FDFT1: variants seen among roughly 807,000 people sequenced by gnomAD.
The protein encoded by FDFT1 is squalene synthase.
A neutral mutation model predicts 46.8 loss-of-function variants in FDFT1; 68 were observed. The observed-to-expected ratio is 1.45, with a 90% CI of 1.19 to 1.78. The LOEUF (loss-of-function observed/expected upper bound fraction) is 1.78. Among genes scored for constraint, FDFT1 ranks in the 40% most tolerant of loss-of-function variants. The pLI is 0.00. For missense variants in FDFT1, 928 were observed against 524.4 expected (o/e 1.77, Z -7.52); for synonymous variants, 351 against 185.1 (o/e 1.90, Z -7.28).
intron 6 of FDFT1, among the ~76,000 whole-genome samples, chr8:11,830,863 C>G (rs572767657): frequency 3.3e-5 from 5 of 152,340 alleles, no homozygotes; most frequent in African/African-American, 9.6e-5. Context: ...ATGCTAGGAA[C>G]TTACACTTTT....
At chr8:11,835,322 C>G (rs60818040) in intron 7 of FDFT1, among the ~76,000 whole-genome samples, 2,086 of 152,270 alleles carry the variant, frequency 0.014, 65 homozygotes, top group African/African-American at 0.048. Context: ...AACGAAGCAT[C>G]TAGAAGGTCC....
At chr8:11,805,134 C>T (rs1324400337) in intron 1 of FDFT1, among the ~76,000 whole-genome samples, 1 of 151,532 alleles carries the variant, frequency 6.6e-6, no homozygotes, top group Admixed American at 6.6e-5. Flanking sequence ...CCAGGCTGGT[C>T]TTGAACTCCT....
At chr8:11,802,407 C>T (rs757863053), upstream of FDFT1, 4 of 457,466 alleles carry the variant, frequency 8.7e-6, no homozygotes, top group South Asian at 4.6e-5. Flanking sequence ...GCATCCTAAG[C>T]CCCACCGCCT....
chr8:11,826,575 A>G (rs547480625), intron 5 of FDFT1, among the ~76,000 whole-genome samples: 2 of 152,318 alleles, frequency 1.3e-5, no homozygotes, highest in South Asian at 4.1e-4. Context: ...ACAGTTTGAG[A>G]GGCCAAGGTG....
intron 4 of FDFT1, among the ~76,000 whole-genome samples, chr8:11,824,740 G>C (rs531068654): frequency 5.6e-4 from 84 of 151,202 alleles, no homozygotes; most frequent in African/African-American, 1.9e-3. Context: ...CTTTTTTTCT[G>C]TTGTTGTTGT....
intron 3 of FDFT1, among the ~76,000 whole-genome samples, chr8:11,812,826 C>A (rs1002179476): frequency 3.3e-5 from 5 of 152,148 alleles, no homozygotes; most frequent in Non-Finnish European, 5.9e-5. Context: ...TTAGTTGATA[C>A]CAGTTCAAGT....
chr8:11,837,770 CTG>C (rs1292240891), intron 7 of FDFT1, among the ~76,000 whole-genome samples: 6 of 152,246 alleles, frequency 3.9e-5, no homozygotes, highest in Admixed American at 3.9e-4. Flanking sequence ...ACGTTGGAGA[CTG>C]AGATAGCTCA....
intron 5 of FDFT1, among the ~76,000 whole-genome samples, 165 bp from the exon 6 acceptor site, chr8:11,830,079 C>G (rs1810558672): frequency 6.6e-6 from 1 of 152,206 alleles, no homozygotes; most frequent in Non-Finnish European, 1.5e-5. Context: ...AACTCCTGAC[C>G]TCGTGATCCA....
Position 11,838,540 on chromosome 8 carries a change from C to G in FDFT1, c.1185C>G (p.Ala395=). 1 of 1,612,026 alleles carries G rather than the reference C, an allele frequency of 6.2e-7. No individual in the cohort carries two copies. The highest frequency in any genetic ancestry group is 1.1e-5 in the South Asian group (1 of 90,662). The change falls in exon 8 of 8, where the codon GCC becomes GCG. Residue 395 remains alanine, a synonymous_variant. Coordinates refer to ENST00000220584, the MANE Select transcript of FDFT1 (RefSeq NM_004462.5). The part of the protein sequence containing the change: ...IYLSFVMLLA[A]LSWQYLTTLS... ...TGTCGTTTGTCATGCTTTTGGCTGC[C>G]CTGAGCTGGCAGTACCTGACCACTC...
intron 7 of FDFT1, among the ~76,000 whole-genome samples, chr8:11,835,966 T>C (rs1811476526): frequency 2.8e-5 from 1 of 36,004 alleles, no homozygotes; most frequent in South Asian, 1.2e-3. Flanking sequence ...AAACCCTGTC[T>C]CTACTAAAAA....
chr8:11,829,363 C>T (rs1343635065), intron 5 of FDFT1, among the ~76,000 whole-genome samples: 1 of 152,164 alleles, frequency 6.6e-6, no homozygotes, highest in Non-Finnish European at 1.5e-5. Context: ...AATCATCAAG[C>T]CGAATCCCAC....
chr8:11,824,977 C>T (rs936221628), intron 4 of FDFT1, among the ~76,000 whole-genome samples: 1 of 151,966 alleles, frequency 6.6e-6, no homozygotes, highest in Admixed American at 6.6e-5. Context: ...TCTCGTGATC[C>T]GCCCGTCTCA....
chr8:11,811,723 A>T (rs908237698), intron 3 of FDFT1, among the ~76,000 whole-genome samples: 1 of 152,260 alleles, frequency 6.6e-6, no homozygotes, highest in Non-Finnish European at 1.5e-5. Flanking sequence ...TGCCCCGGGA[A>T]GAGTAAAAGG....
chr8:11,819,099 C>G (rs1455939547), intron 3 of FDFT1, among the ~76,000 whole-genome samples: 1 of 152,176 alleles, frequency 6.6e-6, no homozygotes, highest in South Asian at 2.1e-4. Flanking sequence ...TTTTATTTCT[C>G]CTTCACTTGT....
At chr8:11,804,927 A>G (rs116529529) in intron 1 of FDFT1, among the ~76,000 whole-genome samples, 96 of 120,870 alleles carry the variant, frequency 7.9e-4, no homozygotes, top group East Asian at 1.5e-3. Context: ...TTTTTTTTTG[A>G]GGGGGGGGTC....
At chr8:11,817,899 C>T (rs1023753055) in intron 3 of FDFT1, among the ~76,000 whole-genome samples, 7 of 151,746 alleles carry the variant, frequency 4.6e-5, no homozygotes, top group African/African-American at 1.7e-4. Flanking sequence ...TTGCCTTTTA[C>T]TAGCTTTTCA....
chr8:11,815,935 C>T (rs1427154777), intron 3 of FDFT1, among the ~76,000 whole-genome samples: 1 of 152,190 alleles, frequency 6.6e-6, no homozygotes, highest in East Asian at 1.9e-4. Flanking sequence ...GTCATGAAGT[C>T]TTTGCCCATG....
chr8:11,818,657 T>C (rs570576000), intron 3 of FDFT1, among the ~76,000 whole-genome samples: 5 of 152,176 alleles, frequency 3.3e-5, no homozygotes, highest in Non-Finnish European at 4.4e-5. Flanking sequence ...GTTTAAAGTC[T>C]GTTTTATTAG....
At chr8:11,795,683 A>C (rs764659020) in exon 1 of FDFT1, 3 of 152,152 alleles carry the variant, frequency 2.0e-5, no homozygotes, top group Non-Finnish European at 4.4e-5. Flanking sequence ...TATGAGCTGT[A>C]ACACTCACAG....
Sources: gnomAD v4.1 joint callset for allele counts (sites outside exome capture counted in the v4.1 genomes callset) on GRCh38, gnomAD v4.1.1 for gene constraint, MANE v1.5 for transcripts, NCBI Gene and HGNC (gene_info 2026-07-23, HGNC 2026-07-21) for gene names.